The following S100A2 variants were observed in gnomAD, a reference collection of about 807,000 sequenced individuals.
The protein encoded by S100A2 is protein S100-A2.
In S100A2, 5 loss-of-function variants were observed where a neutral mutation model predicts 4.3. The observed-to-expected ratio is 1.16, with a 90% CI of 0.61 to 2.44. The LOEUF (loss-of-function observed/expected upper bound fraction) is 2.44. Among genes scored for constraint, S100A2 ranks in the 30% most tolerant of loss-of-function variants. The probability of loss-of-function intolerance (pLI) is 0.01; values close to 1 mark genes in which losing one functional copy is unlikely to be tolerated. For synonymous variants in S100A2, 44 were observed against 46.0 expected (o/e 0.96, Z 0.17); for missense variants, 103 against 114.7 (o/e 0.90, Z 0.47).
At chr1:153,562,235 C>T (rs1259150377) in intron 2 of S100A2, among the ~76,000 whole-genome samples, 1 of 152,128 alleles carries the variant, frequency 6.6e-6, no homozygotes, top group East Asian at 1.9e-4. Flanking sequence ...CTCACTGTAA[C>T]CTTGAACTCC....
At chr1:153,565,097 A>G (rs1665979833) in intron 1 of S100A2, among the ~76,000 whole-genome samples, 1 of 151,526 alleles carries the variant, frequency 6.6e-6, no homozygotes, top group African/African-American at 2.4e-5. Flanking sequence ...GGATCACGAG[A>G]TCAGGAGATC....
intron 2 of S100A2, 43 bp from the exon 3 acceptor site, chr1:153,561,634 A>G (rs754804948): frequency 1.1e-5 from 17 of 1,613,072 alleles, no homozygotes; most frequent in Non-Finnish European, 1.3e-5. Context: ...GCCAGCCCCA[A>G]CCCCAGCTCC....
chr1:153,563,838 C>G lies in S100A2; in HGVS notation c.40G>C (p.Val14Leu), dbSNP rs1571249393. ...SSLEQALAVL[V>L]TTFHKYSCQE... ...CAGGAGTACTTGTGGAAGGTAGTGACCAGCACAGCCAGCGCCTGCTCCAGA... is the reference window on the plus strand; with the variant it reads ...CAGGAGTACTTGTGGAAGGTAGTGAGCAGCACAGCCAGCGCCTGCTCCAGA... The change falls in exon 2 of 3, where the codon GTC (valine) becomes CTC (leucine). Residue 14 changes from valine to leucine, a missense_variant. Coordinates refer to ENST00000368708, the MANE Select transcript of S100A2 (RefSeq NM_005978.4). 2 of 1,614,198 alleles carry G rather than the reference C, an allele frequency of 1.2e-6. No homozygotes were observed. The highest frequency in any genetic ancestry group is 1.7e-6 in the Non-Finnish European group (2 of 1,180,028).
rs1297410185 is a variant in S100A2, at chr1:153,563,933, CCTTAG to C, written c.-10-51_-10-47del. The C allele has an allele frequency of 1.8e-5, 28 of 1,581,688 alleles. No homozygotes were observed. The East Asian group carries it at 6.3e-4, about 36-fold the overall frequency. On this transcript the variant is annotated intron_variant, in intron 1 of 2. Transcript: ENST00000368708. Reference sequence around the variant, plus strand: ...GGGTACACTGCTGAGGCTCTTGGGGCCTTAGCTCAGCCTGTAGGATCCACTTCTGC... The same window carrying C: ...GGGTACACTGCTGAGGCTCTTGGGGCCTCAGCCTGTAGGATCCACTTCTGC...
chr1:153,563,426 G>T, intron 2 of S100A2: 1 of 1,550,124 alleles, frequency 6.5e-7, no homozygotes, highest in Non-Finnish European at 8.7e-7. Context: ...AGTGCTGTGT[G>T]ATCTTGGGAC....
intron 1 of S100A2, chr1:153,564,187 A>AG: frequency 3.4e-6 from 1 of 292,500 alleles, no homozygotes; most frequent in Non-Finnish European, 6.4e-6. Context: ...GTCTGCCAGA[A>AG]GGGAAATGAC....
Position 153,563,787 on chromosome 1 carries a change from T to C in S100A2, c.91A>G (p.Ser31Gly). Residue 31 changes from serine (S) to glycine (G), a missense_variant, in exon 2 of 3, where the codon AGT (serine) becomes GGT (glycine). Coordinates refer to ENST00000368708, the MANE Select transcript of S100A2 (RefSeq NM_005978.4). ...AGAAGTTCCTTCATTTCCCCCTTAC[T>C]CAGCTTGAACTTGTCGCCCTCTTGG... ...SCQEGDKFKL[S>G]KGEMKELLHK... is the part of the protein sequence containing the mutation. 2 of 1,614,190 alleles carry C rather than the reference T, an allele frequency of 1.2e-6. No homozygotes were observed. The highest frequency in any genetic ancestry group is 1.1e-5 in the South Asian group (1 of 91,090).
At chr1:153,563,670 G>T in intron 2 of S100A2, 64 bp downstream of exon 2, 8 of 1,590,406 alleles carry the variant, frequency 5.0e-6, no homozygotes, top group Non-Finnish European at 6.9e-6. Context: ...GGAACTGGGG[G>T]AGAGATTTAA....
chr1:153,561,453 G>A lies in S100A2; in HGVS notation c.283C>T (p.Pro95Ser), dbSNP rs993288154. The A allele has an allele frequency of 1.2e-6, 2 of 1,613,902 alleles. No homozygotes were observed. Among genetic ancestry groups the A allele is most frequent in the South Asian group, 2.2e-5 (2 of 91,062 alleles). ...VMCNDFFQGC[P>S]DRP ...AGAGTTCTGCTTCAGGGTCGGTCTGGGCAGCCCTGGAAGAAGTCATTGCAC... is the reference window on the plus strand; with the variant it reads ...AGAGTTCTGCTTCAGGGTCGGTCTGAGCAGCCCTGGAAGAAGTCATTGCAC... The change falls in exon 3 of 3, where the codon CCA becomes TCA. Residue 95 changes from proline to serine, a missense_variant. By Grantham distance (74) the Pro-to-Ser change is moderately conservative. Coordinates refer to ENST00000368708, the MANE Select transcript of S100A2 (RefSeq NM_005978.4).
At position 153,563,382 on chromosome 1, in the gene S100A2, AAAAAG is replaced by A. The variant is rs543838810; in HGVS notation, c.144+347_144+351del. 1,106 of 1,526,890 alleles carry A rather than the reference AAAAAG, an allele frequency of 7.2e-4. 6 individuals are homozygous for A. In the African/African-American group the frequency reaches 0.013, roughly 18 times the overall value. 94.6% of individuals were successfully genotyped at this position (1,526,890 alleles called of 1,614,324 possible). A position where few individuals can be genotyped will look rare whatever the true frequency, so the allele number is the denominator to read the frequency against. Reference sequence around the variant, plus strand: ...AGGGAAACTCCATCTCAAAAAAAAAAAAAAGAAAAGAAAAGAGAGAGAGAGAACGT... The same window carrying A: ...AGGGAAACTCCATCTCAAAAAAAAAAAAAAGAAAAGAGAGAGAGAGAACGT... On this transcript the variant is annotated intron_variant, in intron 2 of 2. Transcript: ENST00000368708.
In S100A2 at chr1:153,561,252, C is replaced by T. The variant is rs1241698192; in HGVS notation, c.*187G>A. 1 of 622,280 alleles carries T rather than the reference C, an allele frequency of 1.6e-6. No individual in the cohort carries two copies. The highest frequency in any genetic ancestry group is 2.7e-6 in the Non-Finnish European group (1 of 370,356). 38.5% of individuals were successfully genotyped at this position (622,280 alleles called of 1,614,324 possible). ...GAGAGATTTCCAGGAGAGTCAGAGC[C>T]CAGAAGGGAGCAGGATCCAGGAGGC... On this transcript the variant is annotated 3_prime_UTR_variant, in exon 3 of 3. Transcript: ENST00000368708.
rs758414937 is a variant in S100A2, at chr1:153,561,455, C to A, written c.281G>T (p.Cys94Phe). Residue 94 changes from cysteine to phenylalanine, a missense_variant, in exon 3 of 3, where the codon TGC becomes TTC. By Grantham distance (205) the Cys-to-Phe change is radical (BLOSUM62 -2). Transcript: ENST00000368708. ...AGTTCTGCTTCAGGGTCGGTCTGGGCAGCCCTGGAAGAAGTCATTGCACAT... is the reference window on the plus strand; with the variant it reads ...AGTTCTGCTTCAGGGTCGGTCTGGGAAGCCCTGGAAGAAGTCATTGCACAT... Reference protein sequence around the residue: ...TVMCNDFFQGCPDRP With the variant: ...TVMCNDFFQGFPDRP The A allele has an allele frequency of 1.9e-5, 30 of 1,613,804 alleles. No individual in the cohort carries two copies. In the South Asian group the frequency reaches 2.1e-4, roughly 11 times the overall value.
chr1:153,563,401 G>A (rs1665937395), intron 2 of S100A2: 2 of 1,537,206 alleles, frequency 1.3e-6, no homozygotes, highest in South Asian at 1.2e-5. Context: ...AGAAAAGAGA[G>A]AGAGAGAACG....
chr1:153,563,468 C>T, intron 2 of S100A2: 1 of 1,550,476 alleles, frequency 6.4e-7, no homozygotes, highest in Non-Finnish European at 8.7e-7. Context: ...TCTGGTTTCT[C>T]AAGTCTCCAA....
In S100A2 at chr1:153,561,585, C is replaced by T; in HGVS notation, c.151G>A (p.Val51Met). ...KELPSFVGEKVDEEGLKKLMG... is the reference protein window; with the variant it reads ...KELPSFVGEKMDEEGLKKLMG... ...AGCTTCTTCAGCCCCTCCTCATCCA[C>T]TTTCTCCTGAAAGTGACAGGAAATA... Residue 51 changes from valine to methionine, a missense_variant, in exon 3 of 3, where the codon GTG becomes ATG. Transcript: ENST00000368708. 6.2e-7 allele frequency: 1 copy of T among 1,614,192 alleles called. No individual in the cohort carries two copies. The highest frequency in any genetic ancestry group is 8.5e-7 in the Non-Finnish European group (1 of 1,180,046).
intron 2 of S100A2, 119 bp downstream of exon 2, chr1:153,563,615 G>A: frequency 6.4e-7 from 1 of 1,566,284 alleles, no homozygotes; most frequent in Non-Finnish European, 8.7e-7. Flanking sequence ...GCTAAAGTGG[G>A]GAGGGGGCTG....
chr1:153,563,585 C>T (rs1329430876), intron 2 of S100A2, 149 bp downstream of exon 2: 1 of 1,554,798 alleles, frequency 6.4e-7, no homozygotes, highest in Non-Finnish European at 8.7e-7. Flanking sequence ...GCCTCATTTC[C>T]ACTCCAGTGG....
rs374712470 is a variant in S100A2, at chr1:153,563,869, G to A, written c.9C>T (p.Cys3=). 2 of 1,613,850 alleles carry A rather than the reference G, an allele frequency of 1.2e-6. No homozygotes were observed. The highest frequency in any genetic ancestry group is 2.7e-5 in the African/African-American group (2 of 74,914). Residue 3 remains cysteine (C), a synonymous_variant, in exon 2 of 3, where the codon TGC becomes TGT. Coordinates refer to ENST00000368708, the MANE Select transcript of S100A2 (RefSeq NM_005978.4). MM[C]SSLEQALAVL... ...CAGCCAGCGCCTGCTCCAGAGAACTGCACATCATGGATCTGTGGCTGCAGA... is the reference window on the plus strand; with the variant it reads ...CAGCCAGCGCCTGCTCCAGAGAACTACACATCATGGATCTGTGGCTGCAGA...
rs1665888328 is a variant in S100A2, at chr1:153,561,290, GC to G, written c.*148del. On this transcript the variant is annotated 3_prime_UTR_variant, in exon 3 of 3. Coordinates refer to ENST00000368708, the MANE Select transcript of S100A2 (RefSeq NM_005978.4). ...GGATCCAGGAGGCCCTCATCTCCCAGCACTCCAGCTGAGCCAGCCGGGTTAT... is the reference window on the plus strand; with the variant it reads ...GGATCCAGGAGGCCCTCATCTCCCAGACTCCAGCTGAGCCAGCCGGGTTAT... 3.2e-6 allele frequency: 3 copies of G among 927,172 alleles called. No individual in the cohort carries two copies. The South Asian group carries it at 5.2e-5, about 16-fold the overall frequency. 57.4% of individuals were successfully genotyped at this position (927,172 alleles called of 1,614,324 possible).
Sources: gnomAD v4.1 joint callset for allele counts (sites outside exome capture counted in the v4.1 genomes callset) on GRCh38, gnomAD v4.1.1 for gene constraint, MANE v1.5 for transcripts, NCBI Gene and HGNC (gene_info 2026-07-23, HGNC 2026-07-21) for gene names.